Variants in ZNF124 observed in about 807,000 individuals in gnomAD.
The protein encoded by ZNF124 is zinc finger protein 124.
Under a neutral mutation model 26.6 loss-of-function variants are expected in ZNF124, and 25 were observed. The observed-to-expected ratio is 0.94, with a 90% CI of 0.68 to 1.31. The LOEUF (loss-of-function observed/expected upper bound fraction) is 1.31. Among genes scored for constraint, ZNF124 ranks in the 40% most tolerant of loss-of-function variants. The pLI is 0.00. For synonymous variants in ZNF124, 129 were observed against 133.3 expected (o/e 0.97, Z 0.22); for missense variants, 444 against 422.2 (o/e 1.05, Z -0.45).
At chr1:247,147,228 C>CTTT (rs549013458) in intron 3 of ZNF124, among the ~76,000 whole-genome samples, 3 of 127,358 alleles carry the variant, frequency 2.4e-5, no homozygotes, top group African/African-American at 6.0e-5. Context: ...ATTGGCTTAA[C>CTTT]TTTTTTTTTT....
Position 247,156,882 on chromosome 1 carries a change from C to T in ZNF124, c.740G>A (p.Ser247Asn), listed in dbSNP as rs1267637131. 1 of 1,614,158 alleles carries T rather than the reference C, an allele frequency of 6.2e-7. No homozygotes were observed. The highest frequency in any genetic ancestry group is 1.3e-5 in the African/African-American group (1 of 75,034). Residue 247 changes from serine (S) to asparagine (N), a missense_variant, in exon 4 of 4, where the codon AGT becomes AAT. Ser to Asn is a conservative substitution (Grantham distance 46). Coordinates refer to ENST00000543802, the MANE Select transcript of ZNF124 (RefSeq NM_001297568.2). ...MECGKAFSCL[S>N]SLQGHIKAHA... ...AGCCTTTATATGTCCTTGCAAGGAA[C>T]TGAGACAACTGAAAGCTTTGCCACA...
intron 3 of ZNF124, among the ~76,000 whole-genome samples, chr1:247,128,943 C>T (rs1181877782): frequency 2.0e-4 from 16 of 78,638 alleles, no homozygotes; most frequent in African/African-American, 7.0e-4. Context: ...CTTCCCCCAG[C>T]AGGATGGGGT....
intron 3 of ZNF124, among the ~76,000 whole-genome samples, chr1:247,140,991 T>A (rs1222039628): frequency 4.6e-5 from 7 of 152,178 alleles, no homozygotes; most frequent in Non-Finnish European, 8.8e-5. Flanking sequence ...TCCCCTGGCT[T>A]GGAGGCAGCA....
At chr1:247,136,473 C>T (rs1215309657) in intron 3 of ZNF124, among the ~76,000 whole-genome samples, 1 of 152,138 alleles carries the variant, frequency 6.6e-6, no homozygotes, top group Non-Finnish European at 1.5e-5. Flanking sequence ...GAACTACAAA[C>T]CACTGCTCAA....
Position 247,156,312 on chromosome 1 carries a change from T to G in ZNF124, c.*254A>C, listed in dbSNP as rs925726173. On this transcript the variant is annotated 3_prime_UTR_variant, in exon 4 of 4. Coordinates refer to ENST00000543802, the MANE Select transcript of ZNF124 (RefSeq NM_001297568.2). ...TACCATCAAATACCACTGGAACAAC[T>G]GCAGGCCTTACCACATTTTAAACAT... 9.2e-6 allele frequency: 11 copies of G among 1,190,884 alleles called. No homozygotes were observed. Among genetic ancestry groups the G allele is most frequent in the Non-Finnish European group, 1.0e-5 (10 of 961,760 alleles). 73.8% of individuals were successfully genotyped at this position (1,190,884 alleles called of 1,614,324 possible). A position where few individuals can be genotyped will look rare whatever the true frequency, so the allele number is the denominator to read the frequency against.
chr1:247,134,618 G>A (rs373062578), intron 3 of ZNF124, among the ~76,000 whole-genome samples: 2 of 152,258 alleles, frequency 1.3e-5, no homozygotes, highest in African/African-American at 4.8e-5. Context: ...AGTTCTTACA[G>A]ACCTACAAAG....
intron 3 of ZNF124, among the ~76,000 whole-genome samples, chr1:247,127,880 G>A (rs1229514093): frequency 1.3e-5 from 2 of 151,800 alleles, no homozygotes; most frequent in Non-Finnish European, 1.5e-5. Flanking sequence ...CGGTGTCTGA[G>A]GGGTTTTGTC....
At chr1:247,153,132 C>CA (rs34244288), downstream of ZNF124, among the ~76,000 whole-genome samples, 3,571 of 116,930 alleles carry the variant, frequency 0.031, 115 homozygotes, top group African/African-American at 0.087. Context: ...GACTCCATCT[C>CA]AAAAAAAAAA....
At chr1:247,161,115 C>T (rs932328463) in intron 1 of ZNF124, among the ~76,000 whole-genome samples, 10 of 152,146 alleles carry the variant, frequency 6.6e-5, no homozygotes, top group African/African-American at 1.2e-4. Flanking sequence ...AAATAACAAA[C>T]GCCTAACAAC....
rs539158378 is a variant in ZNF124 at position 247,156,463 on chromosome 1, G to A, written c.*103C>T. ...GTTTGATTCGTTTCATGTATTTGAG[G>A]AAATCTGGGAAAATTAAGTACTTTC... On this transcript the variant is annotated 3_prime_UTR_variant, in exon 4 of 4. Coordinates refer to ENST00000543802, the MANE Select transcript of ZNF124 (RefSeq NM_001297568.2). 9.7e-6 allele frequency: 13 copies of A among 1,341,972 alleles called. No homozygotes were observed. In the South Asian group the frequency reaches 2.3e-4, roughly 23 times the overall value. 83.1% of individuals were successfully genotyped at this position (1,341,972 alleles called of 1,614,324 possible).
intron 3 of ZNF124, among the ~76,000 whole-genome samples, chr1:247,133,908 C>G (rs1305302923): frequency 6.6e-6 from 1 of 152,108 alleles, no homozygotes; most frequent in Non-Finnish European, 1.5e-5. Context: ...CCACCTCGGC[C>G]TCCTAAAGTG....
chr1:247,125,682 C>CTG (rs199948347), intron 3 of ZNF124, among the ~76,000 whole-genome samples: 8 of 74,858 alleles, frequency 1.1e-4, no homozygotes, highest in South Asian at 4.3e-4. Flanking sequence ...GGCGCCGGCG[C>CTG]CGATTAAAGG....
intron 3 of ZNF124, among the ~76,000 whole-genome samples, chr1:247,124,294 C>T (rs1672155158): frequency 6.6e-6 from 1 of 151,898 alleles, no homozygotes; most frequent in Non-Finnish European, 1.5e-5. Flanking sequence ...ACCTCCACCT[C>T]CCAGGTTCAA....
exon 4 of ZNF124, chr1:247,123,491 G>A (rs1013623487): frequency 3.4e-5 from 6 of 178,696 alleles, no homozygotes; most frequent in Admixed American, 2.5e-4. Context: ...CACTGCGCCC[G>A]GCCTACGTGA....
At chr1:247,136,680 C>G (rs189571841) in intron 3 of ZNF124, among the ~76,000 whole-genome samples, 2 of 152,278 alleles carry the variant, frequency 1.3e-5, no homozygotes, top group Admixed American at 1.3e-4. Context: ...GGCACAGTGG[C>G]TCATGCTTGT....
At chr1:247,140,918 T>C (rs1044477201) in intron 3 of ZNF124, among the ~76,000 whole-genome samples, 19 of 152,272 alleles carry the variant, frequency 1.2e-4, no homozygotes, top group Non-Finnish European at 1.8e-4. Context: ...TGGCTATAAA[T>C]TGTGGCTTGG....
At chr1:247,126,469 G>C (rs1672227917) in intron 3 of ZNF124, among the ~76,000 whole-genome samples, 1 of 12,422 alleles carries the variant, frequency 8.1e-5, no homozygotes, top group South Asian at 1.4e-3. Flanking sequence ...TCGGTCAGTA[G>C]CCCTGCGCTT....
At chr1:247,131,959 G>A (rs1322118066) in intron 3 of ZNF124, among the ~76,000 whole-genome samples, 1 of 152,136 alleles carries the variant, frequency 6.6e-6, no homozygotes, top group African/African-American at 2.4e-5. Context: ...TTTTCCCTGT[G>A]CCACCCAACT....
chr1:247,160,505 G>T (rs1673421092), intron 1 of ZNF124, among the ~76,000 whole-genome samples: 1 of 152,176 alleles, frequency 6.6e-6, no homozygotes, highest in Admixed American at 6.5e-5. Flanking sequence ...CTGCTACAAA[G>T]TTCAACCTTT....
Sources: gnomAD v4.1 joint callset for allele counts (sites outside exome capture counted in the v4.1 genomes callset) on GRCh38, gnomAD v4.1.1 for gene constraint, MANE v1.5 for transcripts, NCBI Gene and HGNC (gene_info 2026-07-23, HGNC 2026-07-21) for gene names.